GDA: variants seen among roughly 807,000 people sequenced by gnomAD.
GDA encodes the protein guanine deaminase.
GDA carries 18 observed loss-of-function variants against 59.6 expected under a neutral mutation model. That is an observed-to-expected ratio of 0.30 (90% CI 0.21 to 0.45). The LOEUF (loss-of-function observed/expected upper bound fraction) is 0.45. Among genes scored for constraint, GDA ranks in the 20% least tolerant of loss-of-function variants. The probability of loss-of-function intolerance (pLI) is 1.00; values close to 1 mark genes in which losing one functional copy is unlikely to be tolerated. For missense variants in GDA, 427 were observed against 552.3 expected, an observed-to-expected ratio of 0.77 and a Z score of 2.27; for synonymous variants, 201 against 201.1, an observed-to-expected ratio of 1.00 and a Z score of 0.00.
At chr9:72,215,258 A>AT (rs1564089614) in intron 5 of GDA, among the ~76,000 whole-genome samples, 2 of 152,318 alleles carry the variant, frequency 1.3e-5, no homozygotes, top group African/African-American at 2.4e-5. Flanking sequence ...CTACAAAAGG[A>AT]TTTTTTTAAA....
intron 1 of GDA, among the ~76,000 whole-genome samples, chr9:72,137,176 C>T (rs934469468): frequency 1.4e-5 from 2 of 148,118 alleles, no homozygotes; most frequent in Admixed American, 1.4e-4. Context: ...AATTTAGGAT[C>T]CTTAAAAATT....
chr9:72,218,843 T>C (rs536486220), intron 5 of GDA, among the ~76,000 whole-genome samples: 20 of 152,296 alleles, frequency 1.3e-4, no homozygotes, highest in African/African-American at 4.3e-4. Context: ...GAGCATAATA[T>C]ATTGCAACAT....
chr9:72,253,124 A>T (rs923279928), downstream of GDA: 4 of 152,202 alleles, frequency 2.6e-5, no homozygotes, highest in African/African-American at 9.6e-5. Flanking sequence ...AATATGAAAC[A>T]TAAAGACAGT....
intron 5 of GDA, among the ~76,000 whole-genome samples, chr9:72,214,458 G>A (rs867867251): frequency 4.4e-4 from 67 of 151,956 alleles, no homozygotes; most frequent in African/African-American, 1.6e-3. Flanking sequence ...ACCACACTCA[G>A]CTAATTTTTG....
At chr9:72,174,166 G>A (rs1000383542) in intron 1 of GDA, among the ~76,000 whole-genome samples, 3 of 152,168 alleles carry the variant, frequency 2.0e-5, no homozygotes, top group Non-Finnish European at 4.4e-5. Flanking sequence ...TATTTATTCA[G>A]CAGGTGCTCA....
intron 5 of GDA, among the ~76,000 whole-genome samples, chr9:72,215,152 AATG>A (rs1463807000): frequency 6.6e-6 from 1 of 152,220 alleles, no homozygotes; most frequent in Non-Finnish European, 1.5e-5. Context: ...TTAATTTAAA[AATG>A]ATGATGGAAG....
intron 1 of GDA, among the ~76,000 whole-genome samples, chr9:72,121,529 G>A (rs377659198): frequency 4.6e-5 from 7 of 152,124 alleles, no homozygotes; most frequent in Admixed American, 6.5e-5. Context: ...CCCAGGAGGC[G>A]GAGGTTGCAG....
intron 10 of GDA, among the ~76,000 whole-genome samples, chr9:72,231,494 G>A (rs983733541): frequency 2.6e-5 from 4 of 151,920 alleles, no homozygotes; most frequent in Admixed American, 2.6e-4. Context: ...GAACCCGGGA[G>A]GCGGAGCTTG....
chr9:72,216,286 G>C (rs1836100808), intron 5 of GDA, among the ~76,000 whole-genome samples: 1 of 152,146 alleles, frequency 6.6e-6, no homozygotes. Context: ...AGGCTGTTCT[G>C]ACCAGTTTCT....
intron 1 of GDA, among the ~76,000 whole-genome samples, chr9:72,182,715 A>C (rs1831403609): frequency 6.6e-6 from 1 of 152,160 alleles, no homozygotes; most frequent in Non-Finnish European, 1.5e-5. Context: ...TTTTGCATGA[A>C]TCATTTTTTT....
intron 1 of GDA, among the ~76,000 whole-genome samples, chr9:72,115,434 C>T (rs1045168916): frequency 6.6e-6 from 1 of 152,176 alleles, no homozygotes; most frequent in African/African-American, 2.4e-5. Flanking sequence ...CAGACATCCT[C>T]CTGGAAGAAA....
chr9:72,125,825 T>G (rs1485807712), intron 1 of GDA, among the ~76,000 whole-genome samples: 1 of 152,186 alleles, frequency 6.6e-6, no homozygotes, highest in Non-Finnish European at 1.5e-5. Context: ...TCCTCCCAGT[T>G]ATTTATAAGG....
intron 1 of GDA, among the ~76,000 whole-genome samples, chr9:72,151,371 TCTC>T (rs1827176746): frequency 6.6e-6 from 1 of 152,068 alleles, no homozygotes; most frequent in South Asian, 2.1e-4. Flanking sequence ...GTTGCTCTCC[TCTC>T]CTCCTAGGTG....
chr9:72,137,703 G>A (rs7044672), intron 1 of GDA, among the ~76,000 whole-genome samples: 284 of 152,148 alleles, frequency 1.9e-3, no homozygotes, highest in African/African-American at 6.5e-3. Context: ...ATAACTTTGT[G>A]GTGGGAGGCT....
downstream of GDA, among the ~76,000 whole-genome samples, chr9:72,259,011 G>A (rs1840912911): frequency 6.6e-6 from 1 of 151,128 alleles, no homozygotes; most frequent in African/African-American, 2.4e-5. Context: ...CAAATGTACT[G>A]TACAAATAAT....
intron 3 of GDA, among the ~76,000 whole-genome samples, chr9:72,203,505 G>A (rs142621417): frequency 6.2e-4 from 95 of 152,266 alleles, no homozygotes; most frequent in Non-Finnish European, 1.2e-3. Context: ...TCCTCTTTCA[G>A]GAAAATCAGT....
intron 1 of GDA, among the ~76,000 whole-genome samples, chr9:72,180,034 AC>A (rs1206103481): frequency 6.6e-6 from 1 of 152,030 alleles, no homozygotes; most frequent in Non-Finnish European, 1.5e-5. Flanking sequence ...TTCAACTCAT[AC>A]CAGGTCTTCA....
At chr9:72,183,273 C>T (rs1183782475) in intron 1 of GDA, among the ~76,000 whole-genome samples, 1 of 152,108 alleles carries the variant, frequency 6.6e-6, no homozygotes, top group Non-Finnish European at 1.5e-5. Flanking sequence ...TAATCAATCT[C>T]CTGACCCTGG....
intron 13 of GDA, 38 bp from the exon 14 acceptor site, chr9:72,248,234 A>G (rs902164936): frequency 7.1e-7 from 1 of 1,402,696 alleles, no homozygotes; most frequent in African/African-American, 1.4e-5. Context: ...TATTGACACA[A>G]AAGGATTTTA....
Sources: allele counts gnomAD v4.1 joint callset (sites outside exome capture counted in the v4.1 genomes callset), GRCh38; gene constraint gnomAD v4.1.1; transcripts MANE v1.5; gene names NCBI Gene and HGNC (gene_info 2026-07-23, HGNC 2026-07-21).